PDHX: variants seen among roughly 807,000 people sequenced by gnomAD.
The protein encoded by PDHX is pyruvate dehydrogenase protein X component, mitochondrial.
Under a neutral mutation model 55.3 loss-of-function variants are expected in PDHX, and 33 were observed. The observed-to-expected ratio is 0.60, with a 90% CI of 0.45 to 0.80. The LOEUF (loss-of-function observed/expected upper bound fraction) is 0.80. Among genes scored for constraint, PDHX ranks in the 30% least tolerant of loss-of-function variants. The probability of loss-of-function intolerance (pLI) is 0.00; values close to 1 mark genes in which losing one functional copy is unlikely to be tolerated. For missense variants in PDHX, 622 were observed against 619.9 expected (o/e 1.00, Z -0.04); for synonymous variants, 226 against 219.4 (o/e 1.03, Z -0.27).
Position 34,981,218 on chromosome 11 carries a change from T to C in PDHX, c.1023+3036T>C, listed in dbSNP as rs1457521647. Among the ~76,000 whole-genome samples the C allele has an allele frequency of 2.0e-5, 3 of 152,090 alleles. No individual in the cohort carries two copies. The South Asian group carries it at 6.2e-4, about 32-fold the overall frequency. ...CCCTGTGTCCATGTGTTCCCATTGT[T>C]CAATTCCCACCTATGAGTGACAACA... On this transcript the variant is annotated intron_variant, in intron 8 of 10. Coordinates refer to ENST00000227868, the MANE Select transcript of PDHX (RefSeq NM_003477.3).
Position 34,966,820 on chromosome 11 carries a change from G to A in PDHX, c.816+6G>A. On this transcript the variant is annotated splice_donor_region_variant and intron_variant, in intron 6 of 10. Transcript: ENST00000227868. ...CTGGACAACCCAATGCAGTGGTAGT[G>A]TTCTCTAAGTGGATTTTTATTTCTT... is the stretch of plus-strand genomic sequence containing the variant. The A allele has an allele frequency of 6.2e-7, 1 of 1,608,574 alleles. No individual in the cohort carries two copies. Among genetic ancestry groups the A allele is most frequent in the East Asian group, 2.2e-5 (1 of 44,824 alleles).
chr11:34,928,036 G>A (rs1854064564), intron 1 of PDHX, among the ~76,000 whole-genome samples: 1 of 152,102 alleles, frequency 6.6e-6, no homozygotes, highest in Admixed American at 6.5e-5. Context: ...AATAATAAAT[G>A]CAGAGGTTTC....
intron 8 of PDHX, among the ~76,000 whole-genome samples, chr11:34,981,173 G>A (rs573952602): frequency 6.6e-6 from 1 of 151,902 alleles, no homozygotes; most frequent in South Asian, 2.1e-4. Flanking sequence ...CAACAGGCCC[G>A]GGTGTGTGAT....
At chr11:34,936,312 CT>C (rs1312218092) in intron 2 of PDHX, among the ~76,000 whole-genome samples, 3 of 152,068 alleles carry the variant, frequency 2.0e-5, no homozygotes, top group Non-Finnish European at 4.4e-5. Flanking sequence ...AATTCTGTTC[CT>C]CAGTGGGGAA....
At position 34,982,748 on chromosome 11, in the gene PDHX, C is replaced by T. The variant is rs1378885599; in HGVS notation, c.1024-1822C>T. Among the ~76,000 whole-genome samples, 4 of 152,198 alleles carry T rather than the reference C, an allele frequency of 2.6e-5. No individual in the cohort carries two copies. The East Asian group carries it at 7.7e-4, about 29-fold the overall frequency. On this transcript the variant is annotated intron_variant, in intron 8 of 10. Transcript: ENST00000227868. ...GAAGAACTTGAATCTCTGAATAAAC[C>T]AATAACAGGCTCTGAAATTGAGGCA...
rs76087621 is a variant in PDHX at position 34,991,167 on chromosome 11, C to T, written c.1183-1148C>T. Reference sequence around the variant, plus strand: ...TGTCTTCTGTAAGATTTTTAGAAATCGCTGTGGTCAAGAGTGATATGAATC... The same window carrying T: ...TGTCTTCTGTAAGATTTTTAGAAATTGCTGTGGTCAAGAGTGATATGAATC... On this transcript the variant is annotated intron_variant, in intron 9 of 10. Coordinates refer to ENST00000227868, the MANE Select transcript of PDHX (RefSeq NM_003477.3). Among the ~76,000 whole-genome samples, 1,125 of 152,200 alleles carry T rather than the reference C, an allele frequency of 7.4e-3. 17 individuals are homozygous for T. Among genetic ancestry groups the T allele is most frequent in the African/African-American group, 0.026 (1,079 of 41,542 alleles).
chr11:34,922,363 C>G (rs1263939130), intron 1 of PDHX, among the ~76,000 whole-genome samples: 1 of 152,170 alleles, frequency 6.6e-6, no homozygotes, highest in Non-Finnish European at 1.5e-5. Context: ...TTACTATATA[C>G]TATGCACCCT....
intron 1 of PDHX, among the ~76,000 whole-genome samples, chr11:34,930,446 G>T (rs1991648): frequency 0.79 from 120,292 of 152,206 alleles, 47,696 homozygotes; most frequent in East Asian, 0.83. Flanking sequence ...AAAACATCAG[G>T]GGAGACAAAA....
At chr11:34,928,834 A>C (rs761338432) in intron 1 of PDHX, among the ~76,000 whole-genome samples, 6 of 152,224 alleles carry the variant, frequency 3.9e-5, no homozygotes, top group Non-Finnish European at 7.3e-5. Flanking sequence ...TAGTTCACTC[A>C]AGAATTTAGT....
At chr11:34,931,905 G>C (rs936933841) in intron 2 of PDHX, among the ~76,000 whole-genome samples, 9 of 151,252 alleles carry the variant, frequency 6.0e-5, no homozygotes, top group Admixed American at 1.3e-4. Flanking sequence ...CAAATAAGTA[G>C]AATATAAGGA....
At chr11:34,934,571 A>ATTTTTTTTTTTT (rs35227178) in intron 2 of PDHX, among the ~76,000 whole-genome samples, 2 of 92,414 alleles carry the variant, frequency 2.2e-5, no homozygotes, top group African/African-American at 4.4e-5. Context: ...GATATTATGG[A>ATTTTTTTTTTTT]TTTTTTTTTT....
intron 5 of PDHX, among the ~76,000 whole-genome samples, chr11:34,965,810 T>C (rs511776): frequency 0.8 from 122,262 of 152,128 alleles, 49,334 homozygotes; most frequent in African/African-American, 0.84. Context: ...TTTTGTGTCA[T>C]CCTGAAGTTC....
intron 2 of PDHX, among the ~76,000 whole-genome samples, chr11:34,935,701 G>A (rs1284976999): frequency 6.6e-6 from 1 of 152,180 alleles, no homozygotes; most frequent in Non-Finnish European, 1.5e-5. Flanking sequence ...AGAAATTAGA[G>A]GTGACTGAAT....
intron 1 of PDHX, among the ~76,000 whole-genome samples, chr11:34,925,074 A>T (rs1268113526): frequency 6.6e-6 from 1 of 152,142 alleles, no homozygotes; most frequent in African/African-American, 2.4e-5. Flanking sequence ...GCTGCCCTTT[A>T]AATTTTTAGT....
chr11:34,957,833 A>G (rs1590751130), intron 4 of PDHX, among the ~76,000 whole-genome samples: 2 of 152,130 alleles, frequency 1.3e-5, no homozygotes, highest in African/African-American at 4.8e-5. Flanking sequence ...TGGAAAACCA[A>G]ACAGTATGTG....
intron 8 of PDHX, among the ~76,000 whole-genome samples, chr11:34,980,068 T>C (rs1454980059): frequency 6.6e-6 from 1 of 151,406 alleles, no homozygotes; most frequent in East Asian, 1.9e-4. Flanking sequence ...TTCAGCTTTT[T>C]TAAAAAATCA....
intron 1 of PDHX, among the ~76,000 whole-genome samples, chr11:34,918,461 C>G (rs1473090691): frequency 6.6e-6 from 1 of 150,392 alleles, no homozygotes; most frequent in Non-Finnish European, 1.5e-5. Flanking sequence ...AAAAAGTATA[C>G]ATAGGCCCAG....
intron 9 of PDHX, among the ~76,000 whole-genome samples, chr11:34,989,955 A>C (rs1259643456): frequency 6.6e-6 from 1 of 152,154 alleles, no homozygotes; most frequent in East Asian, 1.9e-4. Flanking sequence ...ATTGAAATTA[A>C]TTTTTCAAGA....
rs200623178 is a variant in PDHX at position 34,944,079 on chromosome 11, A to ACGTG, written c.242-3427_242-3426insCGTG. On this transcript the variant is annotated intron_variant, in intron 2 of 10. Transcript: ENST00000227868. Reference sequence around the variant, plus strand: ...TAATATATAAATATATAATACAAATATGTGTGTGTGTGTGTATATATATAT... The same window carrying ACGTG: ...TAATATATAAATATATAATACAAATACGTGTGTGTGTGTGTGTGTATATATATAT... 3.4e-5 allele frequency among the ~76,000 whole-genome samples: 5 copies of ACGTG among 147,756 alleles called. No individual in the cohort carries two copies. In the East Asian group the frequency reaches 5.9e-4, roughly 17 times the overall value.
Sources: gnomAD v4.1 joint callset for allele counts (sites outside exome capture counted in the v4.1 genomes callset) on GRCh38, gnomAD v4.1.1 for gene constraint, MANE v1.5 for transcripts, NCBI Gene and HGNC (gene_info 2026-07-23, HGNC 2026-07-21) for gene names.